TMCC2: variants seen among roughly 807,000 people sequenced by gnomAD.
The protein encoded by TMCC2 is transmembrane and coiled-coil domains protein 2.
A neutral mutation model predicts 49.4 loss-of-function variants in TMCC2; 16 were observed. The observed-to-expected ratio is 0.32, with a 90% CI of 0.22 to 0.49. The LOEUF (loss-of-function observed/expected upper bound fraction) is 0.49, where lower values mean the gene tolerates loss of function less well. Ranked by LOEUF, TMCC2 falls within the 20% of genes least tolerant of loss-of-function variation. The pLI is 0.99. For missense variants in TMCC2, 762 were observed against 989.8 expected (o/e 0.77, Z 3.09); for synonymous variants, 397 against 434.1 (o/e 0.91, Z 1.06).
At chr1:205,231,628 T>A (rs1327124040) in intron 1 of TMCC2, among the ~76,000 whole-genome samples, 1 of 152,078 alleles carries the variant, frequency 6.6e-6, no homozygotes, top group Admixed American at 6.5e-5. Flanking sequence ...GCTGGAAAAA[T>A]TGTTTTCCAA....
At chr1:205,245,799 A>ATTT (rs1230935167) in intron 2 of TMCC2, among the ~76,000 whole-genome samples, 1 of 139,646 alleles carries the variant, frequency 7.2e-6, no homozygotes, top group Non-Finnish European at 1.6e-5. Context: ...AGATATCCCA[A>ATTT]TTTTTTTTTT....
At chr1:205,268,728 T>C (rs907886367) in intron 2 of TMCC2, among the ~76,000 whole-genome samples, 4 of 152,212 alleles carry the variant, frequency 2.6e-5, no homozygotes, top group African/African-American at 9.6e-5. Context: ...GAGGAGCAGC[T>C]CTGCCTAGAC....
At chr1:205,240,401 G>T (rs1159142902) in intron 1 of TMCC2, among the ~76,000 whole-genome samples, 1 of 152,224 alleles carries the variant, frequency 6.6e-6, no homozygotes, top group African/African-American at 2.4e-5. Context: ...CTATGCTTTG[G>T]ATCTAAGGGG....
chr1:205,235,713 C>T (rs758737654), intron 1 of TMCC2, among the ~76,000 whole-genome samples: 12 of 152,258 alleles, frequency 7.9e-5, no homozygotes, highest in African/African-American at 2.2e-4. Flanking sequence ...AGTCTCTCTT[C>T]GTGTAAGAAG....
rs545750588 is a variant in TMCC2, at chr1:205,247,560, G to A, written c.747+5516G>A. On this transcript the variant is annotated intron_variant, in intron 2 of 4. Transcript: ENST00000358024. ...AGAGGAAAAAGGTCTTCCAGCCATC[G>A]GTAAACCCTGCTCTGTCAGCTGACT... 4.1e-4 allele frequency among the ~76,000 whole-genome samples: 62 copies of A among 152,298 alleles called. 1 individual carries two copies. Among genetic ancestry groups the A allele is most frequent in the Admixed American group, 3.7e-3 (56 of 15,296 alleles).
chr1:205,268,507 G>T (rs560288333), intron 2 of TMCC2, among the ~76,000 whole-genome samples: 17 of 152,230 alleles, frequency 1.1e-4, no homozygotes, highest in Admixed American at 1.1e-3. Context: ...CTGGCTTCTC[G>T]GGAGGCAGAG....
chr1:205,244,783 T>C (rs1436860907), intron 2 of TMCC2, among the ~76,000 whole-genome samples: 1 of 151,956 alleles, frequency 6.6e-6, no homozygotes, highest in Non-Finnish European at 1.5e-5. Context: ...AAACCTCGGC[T>C]AGCAGAGAAG....
intron 2 of TMCC2, among the ~76,000 whole-genome samples, chr1:205,253,267 G>T (rs369529075): frequency 1.7e-4 from 26 of 152,226 alleles, no homozygotes; most frequent in Middle Eastern, 3.4e-3. Context: ...GAAGGGGCAT[G>T]GCATAAAAAT....
In TMCC2 at chr1:205,269,665, G is replaced by T; in HGVS notation, c.1463G>T (p.Gly488Val). 6.2e-7 allele frequency: 1 copy of T among 1,613,892 alleles called. No individual in the cohort carries two copies. Among genetic ancestry groups the T allele is most frequent in the South Asian group, 1.1e-5 (1 of 91,080 alleles). The change falls in exon 3 of 5, where the codon GGG becomes GTG. Residue 488 changes from glycine to valine, a missense_variant. Around this residue, in one of 2 missense-constraint regions of TMCC2, gnomAD observed 440 missense variants for 636.7 expected, o/e 0.69. Transcript: ENST00000358024. ...TCCAGCGCCAGCGCCAGCTCAGCCG[G>T]GGCAGGCAGCAACTCTGGGGCTGGG... is the stretch of plus-strand genomic sequence containing the variant. The part of the protein sequence containing the change: ...ECSSASASSA[G>V]AGSNSGAGPG...
intron 2 of TMCC2, among the ~76,000 whole-genome samples, chr1:205,248,236 G>A (rs1286928872): frequency 1.3e-5 from 2 of 152,114 alleles, no homozygotes; most frequent in Non-Finnish European, 2.9e-5. Context: ...GTGAGACCCT[G>A]TCTCTACAAA....
In TMCC2 at chr1:205,242,137, C is replaced by T. The variant is rs566136180; in HGVS notation, c.747+93C>T. ...CCTGGGGAGCTGAGCCAGGGGCCCTCCCTGGCAGATACTGACACCCCACCG... is the reference window on the plus strand; with the variant it reads ...CCTGGGGAGCTGAGCCAGGGGCCCTTCCTGGCAGATACTGACACCCCACCG... On this transcript the variant is annotated intron_variant, in intron 2 of 4. Transcript: ENST00000358024. 5.1e-6 allele frequency: 7 copies of T among 1,380,600 alleles called. 1 individual carries two copies. The South Asian group carries it at 7.4e-5, about 15-fold the overall frequency. The allele number at this position is 1,380,600 out of a possible 1,614,324, so 85.5% of individuals were successfully genotyped here. A position where few individuals can be genotyped will look rare whatever the true frequency, so the allele number is the denominator to read the frequency against.
intron 2 of TMCC2, among the ~76,000 whole-genome samples, chr1:205,253,939 C>A (rs1288205868): frequency 2.0e-5 from 3 of 152,162 alleles, no homozygotes; most frequent in African/African-American, 7.2e-5. Context: ...AGATAATGGT[C>A]CTATGTACCA....
At chr1:205,228,807 G>C (rs749753239) in intron 1 of TMCC2, 36 bp downstream of exon 1, 1 of 1,553,028 alleles carries the variant, frequency 6.4e-7, no homozygotes. Context: ...AGCCCAGCCC[G>C]CGACTTAGCT....
chr1:205,230,127 TC>T (rs1659733637), intron 1 of TMCC2: 1 of 985,400 alleles, frequency 1.0e-6, no homozygotes, highest in South Asian at 4.7e-5. Context: ...ATGCCATTCC[TC>T]ATTTGGCCTG....
At chr1:205,251,509 C>G (rs1660668120) in intron 2 of TMCC2, among the ~76,000 whole-genome samples, 1 of 152,196 alleles carries the variant, frequency 6.6e-6, no homozygotes, top group African/African-American at 2.4e-5. Flanking sequence ...GTGAATAATT[C>G]ATCAGGCTCA....
chr1:205,233,826 G>T (rs1471592143), intron 1 of TMCC2: 3 of 151,074 alleles, frequency 2.0e-5, no homozygotes, highest in African/African-American at 7.3e-5. Flanking sequence ...CAAGGCTCAG[G>T]GTTTTGATAA....
intron 2 of TMCC2, 67 bp from the exon 3 acceptor site, chr1:205,268,883 G>C: frequency 6.7e-7 from 1 of 1,498,090 alleles, no homozygotes; most frequent in Non-Finnish European, 9.2e-7. Context: ...CAAGTCCAGA[G>C]GCATCCAGGG....
chr1:205,256,484 C>G, intron 2 of TMCC2: 2 of 1,480,684 alleles, frequency 1.4e-6, no homozygotes, highest in East Asian at 2.5e-5. Flanking sequence ...GACTGGGAAG[C>G]AGAAGCTAGT....
At chr1:205,233,400 T>C (rs1659888033) in intron 1 of TMCC2, among the ~76,000 whole-genome samples, 1 of 152,240 alleles carries the variant, frequency 6.6e-6, no homozygotes, top group African/African-American at 2.4e-5. Context: ...AGTCACACCA[T>C]ACACTGGTCT....
Sources: allele counts gnomAD v4.1 joint callset (sites outside exome capture counted in the v4.1 genomes callset), GRCh38; gene constraint gnomAD v4.1.1; regional missense constraint gnomAD v4.1.1; transcripts MANE v1.5; gene names NCBI Gene and HGNC (gene_info 2026-07-23, HGNC 2026-07-21).